SLC25A21: variants seen among roughly 807,000 people sequenced by gnomAD.
The protein encoded by SLC25A21 is solute carrier family 25 member 21.
In SLC25A21, 47 loss-of-function variants were observed where a neutral mutation model predicts 43.8. The ratio of observed to expected loss-of-function variants is 1.07; its 90% CI spans 0.85 to 1.37. The LOEUF (loss-of-function observed/expected upper bound fraction) is 1.37. Ranked by LOEUF, SLC25A21 falls within the 40% of genes most tolerant of loss-of-function variation. The pLI, the probability that SLC25A21 is intolerant of heterozygous loss-of-function variation, is 0.00. For missense variants in SLC25A21, 352 were observed against 350.2 expected (o/e 1.00, Z -0.04); for synonymous variants, 131 against 121.3 (o/e 1.08, Z -0.52).
Position 37,102,126 on chromosome 14 carries a change from G to A in SLC25A21, c.70+70155C>T, listed in dbSNP as rs563416901. 1.1e-4 allele frequency among the ~76,000 whole-genome samples: 16 copies of A among 152,214 alleles called. 2 individuals are homozygous for A. Among genetic ancestry groups the A allele is most frequent in the African/African-American group, 3.9e-4 (16 of 41,554 alleles). On this transcript the variant is annotated intron_variant, in intron 1 of 9. Coordinates refer to ENST00000331299, the MANE Select transcript of SLC25A21 (RefSeq NM_030631.4). The stretch of plus-strand genomic sequence containing the variant: ...TTAACAGCAGTTAGGACTGGAAACT[G>A]CATTTGTTCAAAAGATGTAAAATTG...
chr14:36,692,564 C>G (rs946940355), intron 7 of SLC25A21, among the ~76,000 whole-genome samples: 4 of 152,198 alleles, frequency 2.6e-5, no homozygotes, highest in African/African-American at 9.7e-5. Context: ...TGGCTGCTAG[C>G]TTGATAAACA....
At chr14:36,721,903 T>C (rs1884388535) in intron 6 of SLC25A21, among the ~76,000 whole-genome samples, 1 of 152,240 alleles carries the variant, frequency 6.6e-6, no homozygotes, top group South Asian at 2.1e-4. Context: ...AAGTAAATGT[T>C]CACAGACAAA....
At chr14:36,818,250 C>G (rs1043245786) in intron 2 of SLC25A21, among the ~76,000 whole-genome samples, 1 of 152,130 alleles carries the variant, frequency 6.6e-6, no homozygotes, top group African/African-American at 2.4e-5. Flanking sequence ...TAAAGAAAGA[C>G]TATCTTGGAG....
intron 1 of SLC25A21, among the ~76,000 whole-genome samples, chr14:37,088,896 A>G (rs1057321790): frequency 1.3e-5 from 2 of 152,210 alleles, no homozygotes; most frequent in African/African-American, 4.8e-5. Flanking sequence ...TTTTCAACTT[A>G]GGAAAAGTTC....
At chr14:36,901,386 G>A (rs192515550) in intron 1 of SLC25A21, among the ~76,000 whole-genome samples, 119 of 152,180 alleles carry the variant, frequency 7.8e-4, no homozygotes, top group Non-Finnish European at 5.9e-4. Context: ...ATGGAATAAA[G>A]GCAATAATAT....
At chr14:36,930,659 A>G (rs1892262766) in intron 1 of SLC25A21, among the ~76,000 whole-genome samples, 1 of 152,074 alleles carries the variant, frequency 6.6e-6, no homozygotes, top group African/African-American at 2.4e-5. Flanking sequence ...AACCATAATA[A>G]TCTTTTCACA....
rs183144778 is a variant in SLC25A21 at position 37,086,019 on chromosome 14, G to C, written c.70+86262C>G. 2.1e-3 allele frequency among the ~76,000 whole-genome samples: 326 copies of C among 152,192 alleles called. 3 individuals carry two copies. The highest frequency in any genetic ancestry group is 7.3e-3 in the African/African-American group (302 of 41,536). ...ACTCCGGAGGCTGAGGCAGGAGAAT[G>C]GCGCGAACCCAGGAGGCGGAGCTTG... is the stretch of plus-strand genomic sequence containing the variant. On this transcript the variant is annotated intron_variant, in intron 1 of 9. Coordinates refer to ENST00000331299, the MANE Select transcript of SLC25A21 (RefSeq NM_030631.4).
At chr14:36,915,895 A>T (rs750216045) in intron 1 of SLC25A21, among the ~76,000 whole-genome samples, 16 of 152,128 alleles carry the variant, frequency 1.1e-4, no homozygotes, top group Non-Finnish European at 2.2e-4. Flanking sequence ...GCCCTCATGT[A>T]ACCTAATCAG....
intron 1 of SLC25A21, among the ~76,000 whole-genome samples, chr14:37,151,893 G>C (rs1233510899): frequency 6.6e-6 from 1 of 152,026 alleles, no homozygotes; most frequent in Non-Finnish European, 1.5e-5. Flanking sequence ...ATATTAGCTG[G>C]GCAGGGTGGC....
rs372749928 is a variant in SLC25A21, at chr14:36,813,979, T to G, written c.142A>C (p.Thr48Pro). 5 of 1,607,448 alleles carry G rather than the reference T, an allele frequency of 3.1e-6. No individual in the cohort carries two copies. The highest frequency in any genetic ancestry group is 4.2e-6 in the Non-Finnish European group (5 of 1,178,450). Residue 48 changes from threonine to proline, a missense_variant, in exon 3 of 10, where the codon ACC becomes CCC. Coordinates refer to ENST00000331299, the MANE Select transcript of SLC25A21 (RefSeq NM_030631.4). ...AAGCTTTTATAACTGTTTGGATCGG[T>G]TGCACATCTCTGAATCTGAAACCTA... ...KTRFQIQRCA[T>P]DPNSYKSLVD...
intron 1 of SLC25A21, among the ~76,000 whole-genome samples, chr14:37,010,639 C>T (rs941960759): frequency 6.6e-6 from 1 of 152,094 alleles, no homozygotes; most frequent in Middle Eastern, 3.2e-3. Flanking sequence ...GAGCAAGAGG[C>T]CTTCCAGACA....
chr14:36,861,993 A>T (rs1246649288), intron 2 of SLC25A21, among the ~76,000 whole-genome samples: 2 of 152,228 alleles, frequency 1.3e-5, no homozygotes, highest in Non-Finnish European at 2.9e-5. Context: ...TATGTGGCCA[A>T]CAAACATATG....
chr14:36,998,614 T>G (rs1284201718), intron 1 of SLC25A21, among the ~76,000 whole-genome samples: 1 of 152,046 alleles, frequency 6.6e-6, no homozygotes, highest in Non-Finnish European at 1.5e-5. Context: ...CAGATAACAT[T>G]TGATGTGAAA....
intron 1 of SLC25A21, among the ~76,000 whole-genome samples, chr14:36,902,237 A>G (rs1307631676): frequency 1.3e-5 from 2 of 152,216 alleles, no homozygotes; most frequent in South Asian, 4.1e-4. Context: ...AACCTTGAGA[A>G]GCTTTCCAGA....
intron 1 of SLC25A21, among the ~76,000 whole-genome samples, chr14:37,106,865 C>T (rs1414778079): frequency 3.9e-5 from 6 of 152,150 alleles, no homozygotes; most frequent in Non-Finnish European, 5.9e-5. Flanking sequence ...TAATCTTTCT[C>T]TTTATTTCTC....
At chr14:36,786,623 C>T (rs1424139675) in intron 3 of SLC25A21, among the ~76,000 whole-genome samples, 1 of 152,192 alleles carries the variant, frequency 6.6e-6, no homozygotes, top group Non-Finnish European at 1.5e-5. Context: ...CAAGGCTCTT[C>T]CTTTGAGTCC....
At chr14:36,745,719 A>T (rs560924018) in intron 3 of SLC25A21, among the ~76,000 whole-genome samples, 1 of 152,210 alleles carries the variant, frequency 6.6e-6, no homozygotes, top group Admixed American at 6.5e-5. Context: ...AACTTGTTTA[A>T]GTTCTTTGTA....
intron 2 of SLC25A21, among the ~76,000 whole-genome samples, chr14:36,815,616 T>C (rs1046070183): frequency 4.6e-5 from 7 of 152,198 alleles, no homozygotes; most frequent in African/African-American, 1.7e-4. Context: ...TTTTTTCTTC[T>C]TTTTGCATAT....
At chr14:36,763,083 G>C (rs1886226738) in intron 3 of SLC25A21, among the ~76,000 whole-genome samples, 1 of 152,158 alleles carries the variant, frequency 6.6e-6, no homozygotes, top group South Asian at 2.1e-4. Flanking sequence ...AAAGAGATTA[G>C]GTCTTGGAAT....
Sources: allele counts gnomAD v4.1 joint callset (sites outside exome capture counted in the v4.1 genomes callset), GRCh38; gene constraint gnomAD v4.1.1; transcripts MANE v1.5; gene names NCBI Gene and HGNC (gene_info 2026-07-23, HGNC 2026-07-21).